Variants in NEDD9 observed in about 807,000 individuals in gnomAD.
NEDD9 encodes the protein enhancer of filamentation 1.
NEDD9 carries 26 observed loss-of-function variants against 76.6 expected under a neutral mutation model. The observed-to-expected ratio is 0.34, with a 90% CI of 0.25 to 0.47. NEDD9 has a LOEUF of 0.47. Ranked by LOEUF, NEDD9 falls within the 20% of genes least tolerant of loss-of-function variation. NEDD9 has a pLI of 1.00. For missense variants in NEDD9, 937 were observed against 1,058.5 expected (o/e 0.89, Z 1.59); for synonymous variants, 392 against 414.2 (o/e 0.95, Z 0.65).
At chr6:11,309,075 T>C (rs1324383567) in intron 2 of NEDD9, among the ~76,000 whole-genome samples, 2 of 152,192 alleles carry the variant, frequency 1.3e-5, no homozygotes, top group Non-Finnish European at 2.9e-5. Flanking sequence ...TCCTTAGTTT[T>C]CTCTGTGCTT....
In NEDD9 at chr6:11,241,362, A is replaced by T. The variant is rs117373606; in HGVS notation, c.13-27635T>A. Among the ~76,000 whole-genome samples the T allele has an allele frequency of 0.02, 2,984 of 152,288 alleles. 45 individuals carry two copies. Among genetic ancestry groups the T allele is most frequent in the East Asian group, 0.085 (442 of 5,182 alleles). On this transcript the variant is annotated intron_variant, in intron 3 of 3. Coordinates refer to the NEDD9 transcript ENST00000397378. The surrounding 1 kb of genome is among the most constrained non-coding windows in gnomAD (Gnocchi z 4.0). ...GTGATGTCATGTGGTATAAGACATGATCTTTCCTACTTGCCATGGCATGAC... is the reference window on the plus strand; with the variant it reads ...GTGATGTCATGTGGTATAAGACATGTTCTTTCCTACTTGCCATGGCATGAC...
At chr6:11,364,147 C>G (rs1441124915) in intron 1 of NEDD9, among the ~76,000 whole-genome samples, 1 of 152,156 alleles carries the variant, frequency 6.6e-6, no homozygotes. Context: ...ACATGCCAGA[C>G]AGAGGGTGTC....
chr6:11,270,208 C>T (rs966337854), intron 3 of NEDD9, among the ~76,000 whole-genome samples: 2 of 152,200 alleles, frequency 1.3e-5, no homozygotes, highest in Admixed American at 6.5e-5. Context: ...TGCCATAGGG[C>T]GCTTTCTCGC....
At chr6:11,338,504 A>G (rs1013315372) in intron 1 of NEDD9, among the ~76,000 whole-genome samples, 6 of 152,220 alleles carry the variant, frequency 3.9e-5, no homozygotes, top group African/African-American at 1.4e-4. Context: ...CCTTAAGTGA[A>G]GCATCAGAAA....
At chr6:11,318,173 T>G (rs566594030) in intron 2 of NEDD9, among the ~76,000 whole-genome samples, 1 of 152,114 alleles carries the variant, frequency 6.6e-6, no homozygotes, top group African/African-American at 2.4e-5. Context: ...CACCATCAGC[T>G]CTCTTGGGTC....
chr6:11,372,974 C>A (rs1455553228), intron 1 of NEDD9, among the ~76,000 whole-genome samples: 2 of 152,066 alleles, frequency 1.3e-5, no homozygotes, highest in East Asian at 3.9e-4. Flanking sequence ...TAATGCTTGT[C>A]TTTGCTTCAG....
intron 2 of NEDD9, among the ~76,000 whole-genome samples, chr6:11,204,838 C>T (rs976980089): frequency 6.6e-6 from 1 of 151,904 alleles, no homozygotes; most frequent in Non-Finnish European, 1.5e-5. Flanking sequence ...TAGACATCAC[C>T]CTACTGACCT....
intron 3 of NEDD9, among the ~76,000 whole-genome samples, chr6:11,256,167 A>G (rs1269679723): frequency 6.6e-6 from 1 of 152,184 alleles, no homozygotes; most frequent in Non-Finnish European, 1.5e-5. Context: ...CAAGCCTCAG[A>G]GAGTTAGGGG....
rs201772627 is a variant in NEDD9, at chr6:11,333,043, A to AAAGG, written c.-153+1454_-153+1457dup. Among the ~76,000 whole-genome samples, 558 of 64,402 alleles carry AAAGG rather than the reference A, an allele frequency of 8.7e-3. 2 individuals carry two copies. The highest frequency in any genetic ancestry group is 0.013 in the Non-Finnish European group (461 of 34,978). The allele number at this position is 64,402 out of a possible 152,430, so 42.3% of individuals were successfully genotyped here. On this transcript the variant is annotated intron_variant, in intron 2 of 3. Coordinates refer to the NEDD9 transcript ENST00000397378. ...ACTTCAGAAAAAGGAAGGAAGGAAA[A>AAAGG]AAGGAAGGAAGGAAGGAAGGGAGGG...
intron 1 of NEDD9, among the ~76,000 whole-genome samples, chr6:11,338,319 A>G (rs1283414764): frequency 6.6e-6 from 1 of 152,168 alleles, no homozygotes; most frequent in African/African-American, 2.4e-5. Flanking sequence ...AGAAGTTAGG[A>G]GAGAGCCACA....
chr6:11,361,317 G>C (rs999146845), intron 1 of NEDD9, among the ~76,000 whole-genome samples: 1 of 152,112 alleles, frequency 6.6e-6, no homozygotes, highest in Non-Finnish European at 1.5e-5. Context: ...GGTTAAATTG[G>C]CTCACGGTTC....
At chr6:11,375,038 C>T (rs968888755) in intron 1 of NEDD9, among the ~76,000 whole-genome samples, 3 of 152,190 alleles carry the variant, frequency 2.0e-5, no homozygotes, top group Non-Finnish European at 2.9e-5. Context: ...ATTTTCACTT[C>T]TCTGCTCAAG....
chr6:11,213,316 T>C lies in NEDD9; in HGVS notation c.424A>G (p.Ile142Val). The change falls in exon 2 of 7, where the codon ATT becomes GTT. Residue 142 changes from isoleucine to valine, a missense_variant. Transcript: ENST00000379446. The surrounding 1 kb of genome is among the most constrained non-coding windows in gnomAD (Gnocchi z 5.4). Reference protein sequence around the residue: ...YQVPPSVQRSIGGTSGPHVGK... With the variant: ...YQVPPSVQRSVGGTSGPHVGK... ...ACGTGGGGCCCACTGGTTCCCCCAATGCTTCTCTGCACTGATGGTGGCACC... is the reference window on the plus strand; with the variant it reads ...ACGTGGGGCCCACTGGTTCCCCCAACGCTTCTCTGCACTGATGGTGGCACC... 5.6e-6 allele frequency: 9 copies of C among 1,612,118 alleles called. No homozygotes were observed. The highest frequency in any genetic ancestry group is 7.6e-6 in the Non-Finnish European group (9 of 1,178,244).
At chr6:11,351,539 G>C (rs971244775) in intron 1 of NEDD9, among the ~76,000 whole-genome samples, 2 of 152,216 alleles carry the variant, frequency 1.3e-5, no homozygotes, top group Non-Finnish European at 2.9e-5. Context: ...ACTTTCCCCT[G>C]AAGTAGGACA....
At chr6:11,356,973 CTG>C (rs1561846329) in intron 1 of NEDD9, among the ~76,000 whole-genome samples, 1 of 152,140 alleles carries the variant, frequency 6.6e-6, no homozygotes, top group African/African-American at 2.4e-5. Context: ...GCTTTAGAGA[CTG>C]TGCTGAATAC....
chr6:11,310,253 C>T lies in NEDD9; in HGVS notation c.-152-4098G>A, dbSNP rs1561827723. 2.0e-5 allele frequency among the ~76,000 whole-genome samples: 3 copies of T among 152,302 alleles called. No homozygotes were observed. The South Asian group carries it at 6.2e-4, about 32-fold the overall frequency. ...CAGCAACAGCCATGCGCTCCGAAAGCAAGGGGCATGAGCAGGCCTCTTCAG... is the reference window on the plus strand; with the variant it reads ...CAGCAACAGCCATGCGCTCCGAAAGTAAGGGGCATGAGCAGGCCTCTTCAG... On this transcript the variant is annotated intron_variant, in intron 2 of 3. Coordinates refer to the NEDD9 transcript ENST00000397378.
In NEDD9 at chr6:11,184,537, T is replaced by C. The variant is rs1266836957; in HGVS notation, c.*625A>G. 1 of 152,412 alleles carries C rather than the reference T, an allele frequency of 6.6e-6. No individual in the cohort carries two copies. The highest frequency in any genetic ancestry group is 1.9e-4 in the East Asian group (1 of 5,198). The allele number at this position is 152,412 out of a possible 1,614,324, so 9.4% of individuals were successfully genotyped here. On this transcript the variant is annotated 3_prime_UTR_variant, in exon 7 of 7. Transcript: ENST00000379446. The stretch of plus-strand genomic sequence containing the variant: ...CTCCAGCACCTGAACTATCAGAGCT[T>C]GGATCCACATATATATTCTGAAATT...
intron 2 of NEDD9, among the ~76,000 whole-genome samples, chr6:11,196,435 A>G (rs1758296576): frequency 6.6e-6 from 1 of 152,228 alleles, no homozygotes. Flanking sequence ...AAAGGAAGGC[A>G]GGTTCACCGC....
chr6:11,328,652 A>G lies in NEDD9; in HGVS notation c.-153+5849T>C, dbSNP rs573245791. The stretch of plus-strand genomic sequence containing the variant: ...CCTTTAAAGCAGAACAACTTGAGCT[A>G]AAGCTAAAGGCCGGTGTGCAGCAGC... On this transcript the variant is annotated intron_variant, in intron 2 of 3. Transcript: ENST00000397378. 5 of 152,394 alleles carry G rather than the reference A, an allele frequency of 3.3e-5. No homozygotes were observed. The South Asian group carries it at 1.0e-3, about 32-fold the overall frequency. 9.4% of individuals were successfully genotyped at this position (152,394 alleles called of 1,614,324 possible).
Sources: gnomAD v4.1 joint callset for allele counts (sites outside exome capture counted in the v4.1 genomes callset) on GRCh38, gnomAD v4.1.1 for gene constraint, Gnocchi (gnomAD v3.1) non-coding constraint, MANE v1.5 for transcripts, NCBI Gene and HGNC (gene_info 2026-07-23, HGNC 2026-07-21) for gene names.